Variants in DGLUCY observed in about 807,000 individuals in gnomAD.
DGLUCY encodes the protein D-glutamate cyclase, mitochondrial.
A neutral mutation model predicts 58.5 loss-of-function variants in DGLUCY; 58 were observed. The observed-to-expected ratio is 0.99, with a 90% confidence interval of 0.80 to 1.23. The LOEUF is 1.23. DGLUCY is among the 50% of genes most tolerant of loss of function. DGLUCY has a pLI of 0.00. For missense variants in DGLUCY, 779 were observed against 784.7 expected, an observed-to-expected ratio of 0.99 and a Z score of 0.09; for synonymous variants, 325 against 314.1, an observed-to-expected ratio of 1.03 and a Z score of -0.37.
chr14:91,181,078 G>A lies in DGLUCY; in HGVS notation c.731-108G>A. The A allele has an allele frequency of 2.0e-6, 2 of 1,010,514 alleles. 1 individual carries two copies. The highest frequency in any genetic ancestry group is 3.0e-5 in the South Asian group (2 of 66,854). 62.6% of individuals were successfully genotyped at this position (1,010,514 alleles called of 1,614,324 possible). On this transcript the variant is annotated intron_variant, in intron 7 of 13. Coordinates refer to ENST00000256324, the MANE Select transcript of DGLUCY (RefSeq NM_001102368.3). ...AGCAGGTGGTATAGGGAGTGCTTAG[G>A]CTGAGTTGATGGCCAGGTGCCATCT...
At chr14:91,093,146 T>C (rs1341024258) in intron 1 of DGLUCY, among the ~76,000 whole-genome samples, 1 of 149,858 alleles carries the variant, frequency 6.7e-6, no homozygotes, top group African/African-American at 2.5e-5. Context: ...AAACAAGAGG[T>C]TGGAGGAATT....
chr14:91,101,754 G>A (rs2044490637), intron 1 of DGLUCY, among the ~76,000 whole-genome samples: 1 of 152,240 alleles, frequency 6.6e-6, no homozygotes, highest in Admixed American at 6.5e-5. Context: ...TGTTACCCAG[G>A]CTGGAATGCA....
At chr14:91,112,154 C>G (rs565096319), upstream of DGLUCY, among the ~76,000 whole-genome samples, 1 of 150,876 alleles carries the variant, frequency 6.6e-6, no homozygotes, top group East Asian at 2.0e-4. Flanking sequence ...GAGGCTGAGG[C>G]AGGAGAATCA....
intron 8 of DGLUCY, 60 bp from the exon 9 acceptor site, chr14:91,188,850 C>A: frequency 6.6e-7 from 1 of 1,505,044 alleles, no homozygotes; most frequent in African/African-American, 1.4e-5. Context: ...TACATACATA[C>A]ATACATACAA....
chr14:91,168,862 A>G (rs891145080), intron 4 of DGLUCY, among the ~76,000 whole-genome samples: 3 of 152,186 alleles, frequency 2.0e-5, no homozygotes, highest in Admixed American at 2.0e-4. Context: ...CAAGGAGAGC[A>G]GATCACCTGA....
chr14:91,155,620 G>A (rs758108382), intron 1 of DGLUCY, among the ~76,000 whole-genome samples: 14 of 151,916 alleles, frequency 9.2e-5, no homozygotes, highest in African/African-American at 7.3e-5. Context: ...GACCAGCCCC[G>A]TCTCTACAAA....
chr14:91,214,360 G>C (rs1886192209), intron 12 of DGLUCY, among the ~76,000 whole-genome samples: 1 of 152,192 alleles, frequency 6.6e-6, no homozygotes, highest in Non-Finnish European at 1.5e-5. Flanking sequence ...TTTCAGGGAA[G>C]AGCCAAGGAG....
rs542343362 is a variant in DGLUCY at position 91,218,756 on chromosome 14, G to A, written c.1716+3200G>A. 9.2e-5 allele frequency among the ~76,000 whole-genome samples: 14 copies of A among 152,126 alleles called. No homozygotes were observed. The East Asian group carries it at 2.1e-3, about 23-fold the overall frequency. On this transcript the variant is annotated intron_variant, in intron 13 of 13. Coordinates refer to ENST00000256324, the MANE Select transcript of DGLUCY (RefSeq NM_001102368.3). Reference sequence around the variant, plus strand: ...TACAAACACATGTTTGTTGAGCCCCGCCCCTGGGCCAGGCCCAGGCTTGCT... The same window carrying A: ...TACAAACACATGTTTGTTGAGCCCCACCCCTGGGCCAGGCCCAGGCTTGCT...
intron 3 of DGLUCY, 112 bp from the exon 4 acceptor site, chr14:91,167,113 T>C: frequency 7.4e-7 from 1 of 1,348,944 alleles, no homozygotes; most frequent in South Asian, 1.5e-5. Flanking sequence ...CACTCCAGCA[T>C]GGGCTACAAG....
intron 1 of DGLUCY, among the ~76,000 whole-genome samples, chr14:91,086,237 T>G (rs375987542): frequency 2.0e-5 from 3 of 152,322 alleles, no homozygotes; most frequent in African/African-American, 7.2e-5. Context: ...GTATAATCAT[T>G]TCATTATATA....
intron 1 of DGLUCY, among the ~76,000 whole-genome samples, chr14:91,077,265 AAG>A (rs148848700): frequency 2.4e-4 from 35 of 146,986 alleles, no homozygotes; most frequent in Admixed American, 2.1e-4. Flanking sequence ...GAGAGAGAGA[AAG>A]AGAGAGAGAG....
At chr14:91,194,082 C>T (rs1354378127) in intron 9 of DGLUCY, among the ~76,000 whole-genome samples, 1 of 152,134 alleles carries the variant, frequency 6.6e-6, no homozygotes, top group Non-Finnish European at 1.5e-5. Flanking sequence ...ATCCTATATC[C>T]TTGATCCAAT....
intron 1 of DGLUCY, among the ~76,000 whole-genome samples, chr14:91,133,761 A>G (rs1176471467): frequency 6.6e-6 from 1 of 152,146 alleles, no homozygotes; most frequent in Non-Finnish European, 1.5e-5. Context: ...CACACCAGCA[A>G]TGTACAAGGG....
At chr14:91,137,153 C>G (rs530012837) in intron 1 of DGLUCY, among the ~76,000 whole-genome samples, 1 of 149,872 alleles carries the variant, frequency 6.7e-6, no homozygotes, top group Non-Finnish European at 1.5e-5. Flanking sequence ...TTTTTTTTCC[C>G]GTAGAGACAT....
At chr14:91,110,277 AC>A (rs1236033177), upstream of DGLUCY, among the ~76,000 whole-genome samples, 2 of 152,190 alleles carry the variant, frequency 1.3e-5, no homozygotes, top group Non-Finnish European at 2.9e-5. Context: ...CTGGCCATAC[AC>A]ACAGTTTAAC....
At chr14:91,121,613 AAT>A in intron 1 of DGLUCY, among the ~76,000 whole-genome samples, 1 of 9,976 alleles carries the variant, frequency 1.0e-4, no homozygotes, top group Middle Eastern at 0.071. Context: ...TCTCAAAAAT[AAT>A]AATAATAATA....
chr14:91,215,189 A>G (rs1369878012), intron 12 of DGLUCY, among the ~76,000 whole-genome samples: 4 of 152,070 alleles, frequency 2.6e-5, no homozygotes, highest in Non-Finnish European at 5.9e-5. Context: ...AAATAAAGAA[A>G]ATTCAGCTTG....
intron 1 of DGLUCY, among the ~76,000 whole-genome samples, chr14:91,153,610 C>T (rs1371318458): frequency 6.6e-6 from 1 of 152,224 alleles, no homozygotes; most frequent in Non-Finnish European, 1.5e-5. Flanking sequence ...AAACCCCCTC[C>T]CTTGGGTGTG....
chr14:91,160,436 A>G lies in DGLUCY; in HGVS notation c.103+39A>G, dbSNP rs1217210850. The G allele has an allele frequency of 2.7e-5, 39 of 1,419,512 alleles. 1 individual carries two copies. Among genetic ancestry groups the G allele is most frequent in the East Asian group, 1.2e-4 (5 of 42,574 alleles). 87.9% of individuals were successfully genotyped at this position (1,419,512 alleles called of 1,614,324 possible). ...GATAGTTAAAAAAAAAAAAAAAAAA[A>G]AAAAAGAAAGTTCCTGGGAATTACC... On this transcript the variant is annotated intron_variant, in intron 3 of 13. Transcript: ENST00000256324.
Sources: allele counts gnomAD v4.1 joint callset (sites outside exome capture counted in the v4.1 genomes callset), GRCh38; gene constraint gnomAD v4.1.1; transcripts MANE v1.5; gene names NCBI Gene and HGNC (gene_info 2026-07-23, HGNC 2026-07-21).